The following RIC3 variants were observed in gnomAD, a reference collection of about 807,000 sequenced individuals.
The protein encoded by RIC3 is RIC3 acetylcholine receptor chaperone, also known as protein RIC-3.
RIC3 carries 28 observed loss-of-function variants against 27.3 expected under a neutral mutation model. That is an observed-to-expected ratio of 1.02 (90% CI 0.76 to 1.41). The LOEUF is 1.41. Among genes scored for constraint, RIC3 ranks in the 40% most tolerant of loss-of-function variants. The pLI is 0.00. For synonymous variants in RIC3, 184 were observed against 160.4 expected (o/e 1.15, Z -1.11); for missense variants, 501 against 444.7 (o/e 1.13, Z -1.14).
chr11:8,117,574 A>G (rs1226738868), intron 5 of RIC3, among the ~76,000 whole-genome samples: 1 of 151,604 alleles, frequency 6.6e-6, no homozygotes, highest in Non-Finnish European at 1.5e-5. Context: ...GTCAAAGGAC[A>G]TAAAATTTCA....
rs59248468 is a variant in RIC3 at position 8,163,018 on chromosome 11, AACAC to A, written c.124+5844_124+5847del. On this transcript the variant is annotated intron_variant, in intron 1 of 5. Coordinates refer to ENST00000309737, the MANE Select transcript of RIC3 (RefSeq NM_001206671.4). ...CCTTCTTTTTCATCTGGATTATTTAAACACACACACACACACACACACACACACA... is the reference window on the plus strand; with the variant it reads ...CCTTCTTTTTCATCTGGATTATTTAAACACACACACACACACACACACACA... 3.7e-3 allele frequency among the ~76,000 whole-genome samples: 509 copies of A among 136,026 alleles called. 5 individuals carry two copies. In the East Asian group the frequency reaches 0.041, roughly 11 times the overall value. The allele number at this position is 136,026 out of a possible 152,430, so 89.2% of individuals were successfully genotyped here. A position where few individuals can be genotyped will look rare whatever the true frequency, so the allele number is the denominator to read the frequency against.
chr11:8,095,751 G>A, the RIC3 span: 12 of 1,422,076 alleles, frequency 8.4e-6, no homozygotes, highest in South Asian at 1.4e-5. Context: ...TGGCCTTCCT[G>A]TGTCCAAACC....
chr11:8,152,405 T>C (rs573614289), intron 1 of RIC3, among the ~76,000 whole-genome samples: 62 of 152,220 alleles, frequency 4.1e-4, no homozygotes, highest in Admixed American at 7.2e-4. Flanking sequence ...AATAAAGTAC[T>C]GATCCATACT....
the RIC3 span, among the ~76,000 whole-genome samples, chr11:8,098,137 C>T: frequency 6.6e-6 from 1 of 151,906 alleles, no homozygotes; most frequent in Non-Finnish European, 1.5e-5. Flanking sequence ...GCCTTGGCTC[C>T]ATGGTCAATG....
At chr11:8,161,189 G>C (rs564122860) in intron 1 of RIC3, among the ~76,000 whole-genome samples, 1 of 152,316 alleles carries the variant, frequency 6.6e-6, no homozygotes, top group Admixed American at 6.5e-5. Context: ...GGTGAACATA[G>C]AGTAGCTACC....
In RIC3 at chr11:8,106,644, T is replaced by G. The variant is rs1944694473; in HGVS notation, c.*4054A>C. ...ACCACTTGATGTCTCAGGGCTTGCT[T>G]GGACCCTAACCCATTTAAACAGGAC... On this transcript the variant is annotated 3_prime_UTR_variant, in exon 6 of 6. Transcript: ENST00000309737. The G allele has an allele frequency of 6.6e-6, 1 of 151,890 alleles. No homozygotes were observed. 9.4% of individuals were successfully genotyped at this position (151,890 alleles called of 1,614,324 possible).
intron 1 of RIC3, among the ~76,000 whole-genome samples, chr11:8,147,610 G>C (rs550966489): frequency 7.0e-4 from 107 of 152,286 alleles, no homozygotes; most frequent in African/African-American, 2.5e-3. Flanking sequence ...AGTTATGCCA[G>C]AGTCAGGTGG....
At chr11:8,096,619 A>C in the RIC3 span, 1 of 1,047,234 alleles carries the variant, frequency 9.5e-7, no homozygotes, top group Non-Finnish European at 1.5e-6. Flanking sequence ...GTATGTGACC[A>C]TGTGTATTTC....
chr11:8,152,254 C>A (rs1455655498), intron 1 of RIC3, among the ~76,000 whole-genome samples: 1 of 152,114 alleles, frequency 6.6e-6, no homozygotes, highest in Non-Finnish European at 1.5e-5. Flanking sequence ...GGTATACAGC[C>A]AGGAATATGC....
chr11:8,103,597 C>T (rs1183562118), downstream of RIC3: 1 of 152,654 alleles, frequency 6.6e-6, no homozygotes, highest in Non-Finnish European at 1.5e-5. Context: ...CAACGATTAG[C>T]TTTTGCAACA....
At chr11:8,165,790 T>TTTG (rs1565146727) in intron 1 of RIC3, among the ~76,000 whole-genome samples, 5 of 148,216 alleles carry the variant, frequency 3.4e-5, no homozygotes, top group South Asian at 2.1e-4. Context: ...TTGTTTTGTT[T>TTTG]TTTTTTTTGG....
chr11:8,105,327 C>CCAGAGTTGGGACTCTATA (rs961497402), downstream of RIC3: 8 of 152,162 alleles, frequency 5.3e-5, no homozygotes, highest in Non-Finnish European at 7.3e-5. Flanking sequence ...CAGTCAGGGC[C>CCAGAGTTGGGACTCTATA]CAGAGTTGGG....
rs1176979484 is a variant in RIC3, at chr11:8,110,201, C to G, written c.*497G>C. ...CAGCAGAGTCTTACCCTCCTCTGGG[C>G]CCATTAGCCCCACAAACAAAATGTT... is the stretch of plus-strand genomic sequence containing the variant. On this transcript the variant is annotated 3_prime_UTR_variant, in exon 6 of 6. Coordinates refer to ENST00000309737, the MANE Select transcript of RIC3 (RefSeq NM_001206671.4). 1 of 218,754 alleles carries G rather than the reference C, an allele frequency of 4.6e-6. No homozygotes were observed. Among genetic ancestry groups the G allele is most frequent in the Non-Finnish European group, 9.2e-6 (1 of 109,028 alleles). The allele number at this position is 218,754 out of a possible 1,614,324, so 13.6% of individuals were successfully genotyped here. A position where few individuals can be genotyped will look rare whatever the true frequency, so the allele number is the denominator to read the frequency against.
chr11:8,118,527 TAAAAAAAAAAAA>T (rs11378233), intron 5 of RIC3, among the ~76,000 whole-genome samples: 2 of 66,680 alleles, frequency 3.0e-5, no homozygotes, highest in South Asian at 6.1e-4. Flanking sequence ...GCCATAATTG[TAAAAAAAAAAAA>T]AAAAAAAAAA....
chr11:8,135,995 T>G (rs1948356491), intron 4 of RIC3, among the ~76,000 whole-genome samples: 1 of 152,220 alleles, frequency 6.6e-6, no homozygotes, highest in Admixed American at 6.5e-5. Context: ...TATCAATTAT[T>G]ATTGTACACT....
At chr11:8,098,763 A>G in the RIC3 span, 1 of 1,613,690 alleles carries the variant, frequency 6.2e-7, no homozygotes, top group East Asian at 2.2e-5. Flanking sequence ...TTCAGGTCCA[A>G]CTTGATGGGC....
the RIC3 span, among the ~76,000 whole-genome samples, chr11:8,095,908 G>T: frequency 6.6e-6 from 1 of 152,212 alleles, no homozygotes; most frequent in Non-Finnish European, 1.5e-5. Flanking sequence ...AGCTCCTTTT[G>T]CAAGAAGTTT....
intron 1 of RIC3, among the ~76,000 whole-genome samples, 199 bp downstream of exon 1, chr11:8,168,667 G>A (rs1347675562): frequency 6.6e-6 from 1 of 152,194 alleles, no homozygotes; most frequent in Non-Finnish European, 1.5e-5. Context: ...TCCAGCAGCA[G>A]AACCATCTGG....
intron 4 of RIC3, 67 bp downstream of exon 4, chr11:8,137,311 A>G: frequency 6.9e-7 from 1 of 1,449,346 alleles, no homozygotes. Context: ...GGCCTCGGCC[A>G]CTGCACCCAG....
Sources: gnomAD v4.1 joint callset for allele counts (sites outside exome capture counted in the v4.1 genomes callset) on GRCh38, gnomAD v4.1.1 for gene constraint, MANE v1.5 for transcripts, NCBI Gene and HGNC (gene_info 2026-07-23, HGNC 2026-07-21) for gene names.